The following SPACA6 variants were observed in gnomAD, a reference collection of about 807,000 sequenced individuals.
SPACA6 encodes sperm acrosome associated 6, also known as sperm acrosome membrane-associated protein 6.
For synonymous variants in SPACA6, 6 were observed against 1.5 expected (o/e 4.05, Z -2.21); for missense variants, 8 against 2.8 (o/e 2.88, Z -1.34).
chr19:51,712,692 G>T (rs920573610), downstream of SPACA6, among the ~76,000 whole-genome samples: 1 of 152,130 alleles, frequency 6.6e-6, no homozygotes, highest in African/African-American at 2.4e-5. Context: ...GCAAGTGAGT[G>T]GGAAGACGTG....
intron 2 of SPACA6, among the ~76,000 whole-genome samples, chr19:51,695,196 G>GTCACA (rs2083419992): frequency 6.6e-6 from 1 of 152,218 alleles, no homozygotes; most frequent in African/African-American, 2.4e-5. Context: ...AAGAGACAAG[G>GTCACA]TGTGACTGTC....
downstream of SPACA6, among the ~76,000 whole-genome samples, chr19:51,710,171 A>AT (rs1323390729): frequency 2.0e-5 from 3 of 152,258 alleles, no homozygotes; most frequent in Admixed American, 6.5e-5. Context: ...CAACAGCATC[A>AT]TAGAGGCCTA....
At chr19:51,685,424 G>T (rs2083324099), upstream of SPACA6, 2 of 151,974 alleles carry the variant, frequency 1.3e-5, no homozygotes, top group African/African-American at 2.4e-5. Context: ...TCAGATATTT[G>T]GGGATGAGAC....
upstream of SPACA6, chr19:51,689,006 G>A: frequency 6.5e-6 from 1 of 153,528 alleles, no homozygotes; most frequent in Non-Finnish European, 1.5e-5. Context: ...GAGAGAAGAG[G>A]GAGGGAGGCC....
At chr19:51,684,175 A>C (rs1399762094), upstream of SPACA6, among the ~76,000 whole-genome samples, 2 of 152,134 alleles carry the variant, frequency 1.3e-5, no homozygotes, top group East Asian at 3.9e-4. Flanking sequence ...CATTCTTGTC[A>C]GAGTCATGTG....
downstream of SPACA6, chr19:51,705,357 T>C (rs1367116569): frequency 5.5e-6 from 2 of 360,380 alleles, no homozygotes; most frequent in Non-Finnish European, 5.0e-6. Flanking sequence ...ACTGGCTGTC[T>C]CCTTGACATT....
upstream of SPACA6, among the ~76,000 whole-genome samples, chr19:51,684,192 GTTAC>G (rs1445904593): frequency 6.6e-6 from 1 of 152,134 alleles, no homozygotes; most frequent in Non-Finnish European, 1.5e-5. Context: ...TGTGGAGTGG[GTTAC>G]TTAAAGGAAA....
At chr19:51,702,914 G>C (rs1269191286) in intron 4 of SPACA6, 107 bp from the exon 5 acceptor site, 2 of 398,932 alleles carry the variant, frequency 5.0e-6, no homozygotes, top group African/African-American at 4.1e-5. Context: ...GGGTCAAGAT[G>C]CCACCTGGCC....
intron 1 of SPACA6, chr19:51,694,015 G>T: frequency 3.3e-6 from 1 of 300,734 alleles, no homozygotes; most frequent in Non-Finnish European, 6.0e-6. Flanking sequence ...AGAGGAAGAT[G>T]GAGACTCGGA....
Position 51,710,957 on chromosome 19 carries a change from G to A in SPACA6, n.200-1076G>A, listed in dbSNP as rs748246765. On this transcript the variant is annotated intron_variant and non_coding_transcript_variant, in intron 2 of 2. Transcript: ENST00000573896. ...CAGCTGGGTGTGGTGGCACATGCCT[G>A]TAATCCCAGCTACTTGGGAGGCTGA... 7.4e-4 allele frequency among the ~76,000 whole-genome samples: 113 copies of A among 152,336 alleles called. 1 individual carries two copies. Among genetic ancestry groups the A allele is most frequent in the Non-Finnish European group, 1.5e-3 (100 of 68,034 alleles).
exon 3 of SPACA6, chr19:51,712,378 C>G (rs2083546217): frequency 6.6e-6 from 1 of 152,166 alleles, no homozygotes; most frequent in Admixed American, 6.6e-5. Flanking sequence ...ATGGACAACT[C>G]TCCCAAGGAA....
chr19:51,692,228 A>T (rs530437787), upstream of SPACA6, among the ~76,000 whole-genome samples: 1 of 152,048 alleles, frequency 6.6e-6, no homozygotes, highest in Non-Finnish European at 1.5e-5. The surrounding 1 kb of genome is among the most constrained non-coding windows in gnomAD (Gnocchi z 5.6). Context: ...TACGAGACAA[A>T]TGAGGTTCCC....
At position 51,703,965 on chromosome 19, in the gene SPACA6, G is replaced by A. The variant is rs1478787323; in HGVS notation, c.574-65G>A. 5 of 399,080 alleles carry A rather than the reference G, an allele frequency of 1.3e-5. No homozygotes were observed. Among genetic ancestry groups the A allele is most frequent in the Admixed American group, 4.4e-5 (1 of 22,708 alleles). 24.7% of individuals were successfully genotyped at this position (399,080 alleles called of 1,614,324 possible). ...CAGGGGGCGTGGTCTGGCTCGGGGG[G>A]CGGGGCTTGTAGGTTACTCAGTGGC... On this transcript the variant is annotated intron_variant, in intron 6 of 8. Transcript: ENST00000637797. This position sits in a 1 kb window ranked among gnomAD's most constrained non-coding sequence, Gnocchi z 4.2.
At chr19:51,697,783 C>T (rs565507357) in intron 2 of SPACA6, among the ~76,000 whole-genome samples, 1 of 152,194 alleles carries the variant, frequency 6.6e-6, no homozygotes, top group African/African-American at 2.4e-5. Flanking sequence ...AGACTGGATG[C>T]AGTATTAGGT....
chr19:51,690,305 T>C (rs1346169773), upstream of SPACA6, among the ~76,000 whole-genome samples: 1 of 151,542 alleles, frequency 6.6e-6, no homozygotes, highest in Non-Finnish European at 1.5e-5. Context: ...CCCTAACTCC[T>C]TCAAAACCCC....
In SPACA6 at chr19:51,693,373, T is replaced by A. The variant is rs1447834235; in HGVS notation, c.-154T>A. On this transcript the variant is annotated 5_prime_UTR_variant, in exon 1 of 9. Transcript: ENST00000637797. ...CACCTGGGGAATTGCTGGCCTGACT[T>A]CTGACCCCTGACTCCTCATACCCTT... 1 of 713,674 alleles carries A rather than the reference T, an allele frequency of 1.4e-6. No individual in the cohort carries two copies. The highest frequency in any genetic ancestry group is 2.7e-6 in the Non-Finnish European group (1 of 377,142). 44.2% of individuals were successfully genotyped at this position (713,674 alleles called of 1,614,324 possible). A position where few individuals can be genotyped will look rare whatever the true frequency, so the allele number is the denominator to read the frequency against.
chr19:51,709,024 C>T (rs1217222033), downstream of SPACA6, among the ~76,000 whole-genome samples: 2 of 152,020 alleles, frequency 1.3e-5, no homozygotes, highest in African/African-American at 4.8e-5. Flanking sequence ...CCATGGGGAC[C>T]AGATGGTGCT....
chr19:51,712,586 G>A (rs2083547748), downstream of SPACA6, among the ~76,000 whole-genome samples: 1 of 152,162 alleles, frequency 6.6e-6, no homozygotes, highest in South Asian at 2.1e-4. Flanking sequence ...AGAGGACATA[G>A]GGTCTGGTGC....
chr19:51,700,025 A>G (rs147178669), intron 2 of SPACA6, among the ~76,000 whole-genome samples: 2,739 of 152,270 alleles, frequency 0.018, 35 homozygotes, highest in Non-Finnish European at 0.028. Flanking sequence ...AGGCCGAGGC[A>G]GGCGGATCAC....
Sources: gnomAD v4.1 joint callset for allele counts (sites outside exome capture counted in the v4.1 genomes callset) on GRCh38, gnomAD v4.1.1 for gene constraint, Gnocchi (gnomAD v3.1) non-coding constraint, MANE v1.5 for transcripts, NCBI Gene and HGNC (gene_info 2026-07-23, HGNC 2026-07-21) for gene names.